CADPS: variants seen among roughly 807,000 people sequenced by gnomAD.
The protein encoded by CADPS is calcium-dependent secretion activator 1.
In CADPS, 57 loss-of-function variants were observed where a neutral mutation model predicts 167.3. That is an observed-to-expected ratio of 0.34 (90% CI 0.28 to 0.42). CADPS has a LOEUF of 0.42. Among genes scored for constraint, CADPS ranks in the 20% least tolerant of loss-of-function variants. CADPS has a pLI of 1.00. For synonymous variants in CADPS, 676 were observed against 635.3 expected (o/e 1.06, Z -0.96); for missense variants, 1,414 against 1,738.1 (o/e 0.81, Z 3.32).
chr3:62,755,595 G>T lies in CADPS; in HGVS notation c.556-1822C>A, dbSNP rs180708613. On this transcript the variant is annotated intron_variant, in intron 2 of 29. Coordinates refer to ENST00000383710, the MANE Select transcript of CADPS (RefSeq NM_003716.4). Reference sequence around the variant, plus strand: ...ATGCTTCATCACAAAGCGTTTCTGGGGTGGAGAGATGTTTTTTTTTAAAAA... The same window carrying T: ...ATGCTTCATCACAAAGCGTTTCTGGTGTGGAGAGATGTTTTTTTTTAAAAA... Among the ~76,000 whole-genome samples the T allele has an allele frequency of 2.7e-3, 407 of 152,258 alleles. 1 individual carries two copies. Among genetic ancestry groups the T allele is most frequent in the African/African-American group, 8.8e-3 (364 of 41,548 alleles).
At chr3:62,483,287 G>C (rs1225592521) in intron 21 of CADPS, among the ~76,000 whole-genome samples, 2 of 147,784 alleles carry the variant, frequency 1.4e-5, no homozygotes, top group Non-Finnish European at 3.0e-5. Context: ...GCTGCCTCTG[G>C]GCTTGCTTGG....
intron 6 of CADPS, among the ~76,000 whole-genome samples, chr3:62,600,216 A>C (rs1456370209): frequency 1.3e-5 from 2 of 150,306 alleles, no homozygotes; most frequent in East Asian, 3.9e-4. Flanking sequence ...CAGCATGCAG[A>C]GGATACTCAG....
At chr3:62,593,008 A>G (rs1288101379) in intron 6 of CADPS, among the ~76,000 whole-genome samples, 1 of 152,210 alleles carries the variant, frequency 6.6e-6, no homozygotes, top group Admixed American at 6.5e-5. Context: ...GCATAAACTC[A>G]TGTTGGTGAG....
chr3:62,654,471 C>T (rs1232747688), intron 4 of CADPS, among the ~76,000 whole-genome samples: 1 of 152,170 alleles, frequency 6.6e-6, no homozygotes, highest in Non-Finnish European at 1.5e-5. Flanking sequence ...GATAGGGCCA[C>T]TGCTCTTTTC....
At chr3:62,437,719 G>A (rs1301275701) in intron 28 of CADPS, among the ~76,000 whole-genome samples, 1 of 152,204 alleles carries the variant, frequency 6.6e-6, no homozygotes, top group Non-Finnish European at 1.5e-5. Flanking sequence ...ACCCCCAGGA[G>A]AGGGAGTTGG....
chr3:62,578,160 G>GAAA (rs71123276), intron 8 of CADPS, among the ~76,000 whole-genome samples: 16 of 145,648 alleles, frequency 1.1e-4, no homozygotes, highest in African/African-American at 2.8e-4. Flanking sequence ...TAAAAAGATA[G>GAAA]AAAAAAAAAG....
At chr3:62,831,182 T>C (rs1351141926) in intron 1 of CADPS, among the ~76,000 whole-genome samples, 2 of 152,208 alleles carry the variant, frequency 1.3e-5, no homozygotes, top group East Asian at 1.9e-4. Flanking sequence ...ACATCTCTTG[T>C]GTGCTGTATG....
chr3:62,622,846 C>T (rs1026173369), intron 6 of CADPS, among the ~76,000 whole-genome samples: 1 of 152,198 alleles, frequency 6.6e-6, no homozygotes, highest in Non-Finnish European at 1.5e-5. Flanking sequence ...AATTCAGCCA[C>T]AGCGCATTTT....
At chr3:62,545,838 A>G (rs1414665435) in intron 11 of CADPS, among the ~76,000 whole-genome samples, 2 of 152,256 alleles carry the variant, frequency 1.3e-5, no homozygotes, top group Middle Eastern at 3.4e-3. Context: ...ACAAGACTGG[A>G]GTGTTTCTTT....
intron 13 of CADPS, among the ~76,000 whole-genome samples, chr3:62,522,176 G>A (rs1159235870): frequency 1.3e-5 from 2 of 151,920 alleles, no homozygotes; most frequent in African/African-American, 4.8e-5. Flanking sequence ...GTCTCATTCA[G>A]CCTAAGGTGG....
chr3:62,599,846 A>ATG (rs2059656403), intron 6 of CADPS, among the ~76,000 whole-genome samples: 1 of 8,284 alleles, frequency 1.2e-4, no homozygotes, highest in African/African-American at 3.3e-4. Context: ...TATATTATAT[A>ATG]TATATAATAT....
At chr3:62,777,542 CT>C (rs1355969939) in intron 1 of CADPS, among the ~76,000 whole-genome samples, 4 of 152,018 alleles carry the variant, frequency 2.6e-5, no homozygotes, top group Non-Finnish European at 4.4e-5. Flanking sequence ...AAACTAGGAA[CT>C]TTAGTTAATA....
chr3:62,560,255 T>C (rs528681291), intron 9 of CADPS, among the ~76,000 whole-genome samples: 1 of 152,300 alleles, frequency 6.6e-6, no homozygotes, highest in South Asian at 2.1e-4. Context: ...GATTGAATGG[T>C]GGGAGAATTG....
intron 17 of CADPS, among the ~76,000 whole-genome samples, chr3:62,506,541 G>C (rs531489829): frequency 6.6e-6 from 1 of 151,924 alleles, no homozygotes; most frequent in Non-Finnish European, 1.5e-5. Context: ...TTTGTTCCTC[G>C]GGCTGAGCTG....
intron 21 of CADPS, among the ~76,000 whole-genome samples, chr3:62,482,269 G>C (rs1172682193): frequency 6.6e-6 from 1 of 152,128 alleles, no homozygotes; most frequent in African/African-American, 2.4e-5. Flanking sequence ...AGAAATGGTG[G>C]AGCACTTCAA....
chr3:62,850,586 G>C (rs1384271808), intron 1 of CADPS, among the ~76,000 whole-genome samples: 4 of 141,426 alleles, frequency 2.8e-5, no homozygotes, highest in Non-Finnish European at 6.3e-5. Context: ...GAGCGGCTTT[G>C]AGTGAGATTC....
At chr3:62,800,698 A>G (rs1240370629) in intron 1 of CADPS, among the ~76,000 whole-genome samples, 1 of 152,138 alleles carries the variant, frequency 6.6e-6, no homozygotes, top group African/African-American at 2.4e-5. Context: ...GCAATTTGGT[A>G]TGTATATTGT....
chr3:62,482,874 C>G lies in CADPS; in HGVS notation c.3027-1005G>C, dbSNP rs537967593. Among the ~76,000 whole-genome samples the G allele has an allele frequency of 1.6e-4, 25 of 152,228 alleles. No homozygotes were observed. The East Asian group carries it at 4.8e-3, about 29-fold the overall frequency. Reference sequence around the variant, plus strand: ...AAAAAGTTAAAAATGTTACCTCATACCAGCCTTTTGTTTTTGGACAAAGAT... The same window carrying G: ...AAAAAGTTAAAAATGTTACCTCATAGCAGCCTTTTGTTTTTGGACAAAGAT... On this transcript the variant is annotated intron_variant, in intron 21 of 29. Transcript: ENST00000383710.
intron 14 of CADPS, among the ~76,000 whole-genome samples, chr3:62,517,054 T>G (rs2069163543): frequency 6.6e-6 from 1 of 152,140 alleles, no homozygotes; most frequent in Admixed American, 6.6e-5. Context: ...ATATATGGAA[T>G]AGAAAAGTGG....
Sources: gnomAD v4.1 joint callset for allele counts (sites outside exome capture counted in the v4.1 genomes callset) on GRCh38, gnomAD v4.1.1 for gene constraint, MANE v1.5 for transcripts, NCBI Gene and HGNC (gene_info 2026-07-23, HGNC 2026-07-21) for gene names.